Variants in PHF20 observed in about 807,000 individuals in gnomAD.
PHF20 encodes glioma-expressed antigen 2.
A neutral mutation model predicts 113.5 loss-of-function variants in PHF20; 23 were observed. That is an observed-to-expected ratio of 0.20 (90% CI 0.15 to 0.29). The LOEUF (loss-of-function observed/expected upper bound fraction) is 0.29, where lower values mean the gene tolerates loss of function less well. Ranked by LOEUF, PHF20 falls within the 10% of genes least tolerant of loss-of-function variation. The probability of loss-of-function intolerance (pLI) is 1.00; values close to 1 mark genes in which losing one functional copy is unlikely to be tolerated. For synonymous variants in PHF20, 434 were observed against 457.3 expected, an observed-to-expected ratio of 0.95 and a Z score of 0.65; for missense variants, 943 against 1,219.6, an observed-to-expected ratio of 0.77 and a Z score of 3.38.
At chr20:35,895,948 A>G (rs2054973220) in intron 9 of PHF20, among the ~76,000 whole-genome samples, 1 of 152,048 alleles carries the variant, frequency 6.6e-6, no homozygotes, top group Non-Finnish European at 1.5e-5. Context: ...TGGTCTCCCA[A>G]AGTGCTAGGA....
intron 1 of PHF20, among the ~76,000 whole-genome samples, chr20:35,781,535 G>A (rs2041296331): frequency 6.6e-6 from 1 of 152,098 alleles, no homozygotes; most frequent in Non-Finnish European, 1.5e-5. Context: ...TGTTGTCGTG[G>A]TCAGATACAC....
chr20:35,787,529 C>G (rs1308542311), intron 1 of PHF20, among the ~76,000 whole-genome samples: 2 of 146,860 alleles, frequency 1.4e-5, no homozygotes, highest in Non-Finnish European at 3.0e-5. Context: ...CGCTCTGTCT[C>G]CCTGGCTGGA....
chr20:35,787,194 TTTC>T (rs2041438953), intron 1 of PHF20, among the ~76,000 whole-genome samples: 2 of 127,336 alleles, frequency 1.6e-5, no homozygotes, highest in South Asian at 2.6e-4. Context: ...TATTTATTTA[TTTC>T]AGACAGAGTT....
At chr20:35,906,083 G>T (rs537589128) in intron 10 of PHF20, among the ~76,000 whole-genome samples, 1 of 152,188 alleles carries the variant, frequency 6.6e-6, no homozygotes, top group Non-Finnish European at 1.5e-5. Flanking sequence ...GTCAAAGAGG[G>T]CCTCTCCTGT....
At chr20:35,790,239 CATCCCGGCTGGAGTGCAATGGTGTG>C (rs2041517510) in intron 1 of PHF20, among the ~76,000 whole-genome samples, 1 of 151,690 alleles carries the variant, frequency 6.6e-6, no homozygotes, top group Non-Finnish European at 1.5e-5. Flanking sequence ...CTCGCTCTGT[CATCCCGGCTGGAGTGCAATGGTGTG>C]ATCCCGGCTC....
intron 10 of PHF20, among the ~76,000 whole-genome samples, chr20:35,906,691 A>C (rs2147071370): frequency 6.6e-6 from 1 of 152,308 alleles, no homozygotes; most frequent in East Asian, 1.9e-4. Context: ...CTTTCTTTTA[A>C]GGCACAACCC....
At chr20:35,865,606 G>A (rs960631249) in intron 6 of PHF20, among the ~76,000 whole-genome samples, 3 of 146,434 alleles carry the variant, frequency 2.0e-5, no homozygotes, top group Non-Finnish European at 3.0e-5. Flanking sequence ...AGGCTCAAGC[G>A]ATGCTCCTAT....
chr20:35,801,636 C>T, intron 2 of PHF20, 31 bp downstream of exon 2: 3 of 1,488,220 alleles, frequency 2.0e-6, no homozygotes, highest in South Asian at 2.3e-5. Flanking sequence ...TAATTAAAGC[C>T]CTTCAGTAAA....
chr20:35,772,709 A>G (rs2041087879), intron 1 of PHF20, among the ~76,000 whole-genome samples: 1 of 151,666 alleles, frequency 6.6e-6, no homozygotes, highest in South Asian at 2.1e-4. Flanking sequence ...AAGTGGGAGC[A>G]CATTCCTTTT....
intron 5 of PHF20, among the ~76,000 whole-genome samples, chr20:35,862,471 C>T (rs2146971247): frequency 6.6e-6 from 1 of 152,266 alleles, no homozygotes; most frequent in South Asian, 2.1e-4. Context: ...CTCATGCCTA[C>T]AATCCCAATA....
At chr20:35,888,330 C>T (rs1001182705) in intron 9 of PHF20, among the ~76,000 whole-genome samples, 6 of 152,058 alleles carry the variant, frequency 3.9e-5, no homozygotes, top group African/African-American at 7.2e-5. Flanking sequence ...TTTCTCTGCA[C>T]ATACCAAAGT....
chr20:35,832,747 C>T (rs1012815301), intron 2 of PHF20, among the ~76,000 whole-genome samples: 4 of 152,130 alleles, frequency 2.6e-5, no homozygotes, highest in Non-Finnish European at 5.9e-5. Context: ...TGTGATCATG[C>T]ATCTTAATAG....
intron 2 of PHF20, among the ~76,000 whole-genome samples, chr20:35,814,040 A>G (rs1322856891): frequency 6.6e-6 from 1 of 151,798 alleles, no homozygotes; most frequent in Non-Finnish European, 1.5e-5. Flanking sequence ...TCTATCTCTA[A>G]ATAAAATAAA....
chr20:35,822,946 G>A (rs2042195892), intron 2 of PHF20, among the ~76,000 whole-genome samples: 1 of 151,526 alleles, frequency 6.6e-6, no homozygotes, highest in African/African-American at 2.4e-5. Context: ...GCACCAGAGT[G>A]GTACATTTAT....
In PHF20 at chr20:35,801,153, C is replaced by T. The variant is rs2041773288; in HGVS notation, c.-32-338C>T. Among the ~76,000 whole-genome samples the T allele has an allele frequency of 2.0e-5, 3 of 152,204 alleles. No individual in the cohort carries two copies. The South Asian group carries it at 6.2e-4, about 31-fold the overall frequency. ...TCTTGATTGTTTCCTTAAATAGTCGCTGAGCAAATATTTGTTGAATAATGC... is the reference window on the plus strand; with the variant it reads ...TCTTGATTGTTTCCTTAAATAGTCGTTGAGCAAATATTTGTTGAATAATGC... On this transcript the variant is annotated intron_variant, in intron 1 of 17. Transcript: ENST00000374012.
At chr20:35,944,008 A>C (rs913905189) in intron 17 of PHF20, among the ~76,000 whole-genome samples, 3 of 152,234 alleles carry the variant, frequency 2.0e-5, no homozygotes, top group Admixed American at 1.3e-4. Flanking sequence ...TTATTTTCTT[A>C]AATAAAAAAT....
chr20:35,801,299 A>G (rs528281841), intron 1 of PHF20, among the ~76,000 whole-genome samples, 192 bp from the exon 2 acceptor site: 2 of 152,306 alleles, frequency 1.3e-5, no homozygotes, highest in African/African-American at 4.8e-5. Flanking sequence ...TTAGTTCCAG[A>G]AACCACAGGA....
At chr20:35,858,755 T>G (rs1262777834) in intron 5 of PHF20, among the ~76,000 whole-genome samples, 3 of 149,912 alleles carry the variant, frequency 2.0e-5, no homozygotes, top group Admixed American at 6.7e-5. Flanking sequence ...GTATTTTTAG[T>G]AGAGACGGGG....
chr20:35,920,158 A>G (rs996013984), intron 13 of PHF20, among the ~76,000 whole-genome samples: 1 of 152,172 alleles, frequency 6.6e-6, no homozygotes, highest in Admixed American at 6.5e-5. Context: ...CCCTGGAAAC[A>G]CTAAACTGTT....
Sources: allele counts gnomAD v4.1 joint callset (sites outside exome capture counted in the v4.1 genomes callset), GRCh38; gene constraint gnomAD v4.1.1; transcripts MANE v1.5; gene names NCBI Gene and HGNC (gene_info 2026-07-23, HGNC 2026-07-21).